PPP2R2B: variants seen among roughly 807,000 people sequenced by gnomAD.
PPP2R2B encodes protein phosphatase 2 regulatory subunit Bbeta.
In PPP2R2B, 5 loss-of-function variants were observed where a neutral mutation model predicts 46.0. The ratio of observed to expected loss-of-function variants is 0.11; its 90% CI spans 0.06 to 0.23. The LOEUF is 0.23. Ranked by LOEUF, PPP2R2B falls within the 10% of genes least tolerant of loss-of-function variation. The probability of loss-of-function intolerance (pLI) is 1.00; values close to 1 mark genes in which losing one functional copy is unlikely to be tolerated. For missense variants in PPP2R2B, 367 were observed against 575.0 expected (o/e 0.64, Z 3.70); for synonymous variants, 215 against 206.7 (o/e 1.04, Z -0.34).
At chr5:146,661,056 C>A (rs1399758105) in intron 5 of PPP2R2B, among the ~76,000 whole-genome samples, 2 of 152,308 alleles carry the variant, frequency 1.3e-5, no homozygotes, top group East Asian at 3.9e-4. Flanking sequence ...AATGACAATT[C>A]ATCCCACGAA....
intron 2 of PPP2R2B, among the ~76,000 whole-genome samples, chr5:146,783,156 A>C (rs1038107062): frequency 1.3e-5 from 2 of 152,242 alleles, no homozygotes; most frequent in African/African-American, 4.8e-5. Context: ...TAAACTACTG[A>C]AAATCACATG....
intron 1 of PPP2R2B, among the ~76,000 whole-genome samples, chr5:147,013,987 C>G: frequency 1.4e-5 from 2 of 139,992 alleles, no homozygotes; most frequent in African/African-American, 5.3e-5. Context: ...ACCTACTCAT[C>G]TGACAAAGGG....
intron 1 of PPP2R2B, among the ~76,000 whole-genome samples, chr5:146,947,398 C>T (rs1167445757): frequency 6.6e-6 from 1 of 152,128 alleles, no homozygotes; most frequent in Non-Finnish European, 1.5e-5. Flanking sequence ...CAGGGACCAG[C>T]ACGTGACTGA....
chr5:146,884,660 A>C (rs1023238902), intron 1 of PPP2R2B, among the ~76,000 whole-genome samples: 1 of 152,238 alleles, frequency 6.6e-6, no homozygotes, highest in Non-Finnish European at 1.5e-5. Context: ...TGAGAGCATG[A>C]GATAAAACAT....
At chr5:146,695,956 A>G (rs1207899723) in intron 4 of PPP2R2B, among the ~76,000 whole-genome samples, 4 of 152,228 alleles carry the variant, frequency 2.6e-5, no homozygotes, top group African/African-American at 9.6e-5. Flanking sequence ...CATATGAAAC[A>G]GTATCCCAAA....
intron 1 of PPP2R2B, among the ~76,000 whole-genome samples, chr5:146,957,547 A>T (rs1290473269): frequency 6.6e-6 from 1 of 152,196 alleles, no homozygotes; most frequent in Non-Finnish European, 1.5e-5. Context: ...AGTAGGCACC[A>T]GTTGATGGGA....
intron 2 of PPP2R2B, among the ~76,000 whole-genome samples, chr5:146,803,371 G>T (rs1756980962): frequency 6.6e-6 from 1 of 152,026 alleles, no homozygotes; most frequent in Non-Finnish European, 1.5e-5. Flanking sequence ...GTTAACTTTA[G>T]TACAATTTAG....
chr5:146,970,633 A>C (rs944280125), intron 1 of PPP2R2B, among the ~76,000 whole-genome samples: 1 of 152,148 alleles, frequency 6.6e-6, no homozygotes, highest in Non-Finnish European at 1.5e-5. Flanking sequence ...AGGGAAGACC[A>C]GAAGGTTAGA....
intron 1 of PPP2R2B, among the ~76,000 whole-genome samples, chr5:146,901,941 T>C (rs868293221): frequency 1.3e-5 from 2 of 152,106 alleles, no homozygotes; most frequent in South Asian, 2.1e-4. Flanking sequence ...AAAGATGAAA[T>C]TGAAAAGGTA....
intron 2 of PPP2R2B, among the ~76,000 whole-genome samples, chr5:146,869,258 C>T (rs1021762410): frequency 6.6e-6 from 1 of 152,028 alleles, no homozygotes; most frequent in African/African-American, 2.4e-5. Context: ...TGCCATTTTG[C>T]TAAGAAATGG....
intron 1 of PPP2R2B, among the ~76,000 whole-genome samples, chr5:146,924,984 A>T (rs186612145): frequency 6.6e-6 from 1 of 152,140 alleles, no homozygotes; most frequent in Non-Finnish European, 1.5e-5. Flanking sequence ...TTAATGTATC[A>T]TGATCTTCTT....
chr5:146,602,952 T>C (rs1303567032), intron 7 of PPP2R2B, among the ~76,000 whole-genome samples: 2 of 152,174 alleles, frequency 1.3e-5, no homozygotes, highest in Non-Finnish European at 2.9e-5. Flanking sequence ...TCATTAGTAT[T>C]GGAGGTTTGG....
intron 1 of PPP2R2B, among the ~76,000 whole-genome samples, chr5:146,937,321 G>A (rs1354576880): frequency 2.6e-5 from 4 of 151,760 alleles, no homozygotes; most frequent in Non-Finnish European, 5.9e-5. Context: ...AAAAAGGGGG[G>A]TTACTAGTAA....
intron 1 of PPP2R2B, among the ~76,000 whole-genome samples, chr5:146,909,468 A>G (rs954149784): frequency 6.6e-6 from 1 of 152,182 alleles, no homozygotes; most frequent in East Asian, 1.9e-4. Context: ...AAAGCTCTTC[A>G]TTTCAAAACC....
rs553503136 is a variant in PPP2R2B, at chr5:146,946,785, A to G, written c.79+108880T>C. Among the ~76,000 whole-genome samples the G allele has an allele frequency of 9.9e-5, 15 of 152,196 alleles. No individual in the cohort carries two copies. In the East Asian group the frequency reaches 2.1e-3, roughly 22 times the overall value. On this transcript the variant is annotated intron_variant, in intron 1 of 8. Coordinates refer to the PPP2R2B transcript ENST00000336640. The stretch of plus-strand genomic sequence containing the variant: ...ATTCATGCCAGAGGAGGCCGAAGCC[A>G]TTACAGAAGGATTGTTTCCATCTAA...
chr5:146,938,980 C>G (rs1032017883), intron 1 of PPP2R2B, among the ~76,000 whole-genome samples: 13 of 151,940 alleles, frequency 8.6e-5, no homozygotes, highest in Admixed American at 6.6e-4. Context: ...AGGGTTTCAC[C>G]ATGTTGCCCA....
rs968051153 is a variant in PPP2R2B at position 147,012,370 on chromosome 5, G to A, written c.79+43295C>T. On this transcript the variant is annotated intron_variant, in intron 1 of 8. Coordinates refer to the PPP2R2B transcript ENST00000336640. Reference sequence around the variant, plus strand: ...GATTTTCTAGTTTATTTGCATAGAGGTGTTTGTAGTATTCTCTGATGGTAG... The same window carrying A: ...GATTTTCTAGTTTATTTGCATAGAGATGTTTGTAGTATTCTCTGATGGTAG... Among the ~76,000 whole-genome samples the A allele has an allele frequency of 3.0e-4, 46 of 152,032 alleles. 1 individual carries two copies. Among genetic ancestry groups the A allele is most frequent in the African/African-American group, 1.0e-3 (43 of 41,520 alleles).
At position 146,878,720 on chromosome 5, in the gene PPP2R2B, C is replaced by G; in HGVS notation, c.-254G>C. Reference sequence around the variant, plus strand: ...ACTCACCCTCACACCCACACGCGCGCACTCGCAGCTGCTGCTGCTGCTGCT... The same window carrying G: ...ACTCACCCTCACACCCACACGCGCGGACTCGCAGCTGCTGCTGCTGCTGCT... On this transcript the variant is annotated 5_prime_UTR_variant, in exon 1 of 10. Coordinates refer to ENST00000394411, the MANE Select transcript of PPP2R2B (RefSeq NM_181675.4). This position sits in a 1 kb window ranked among gnomAD's most constrained non-coding sequence, Gnocchi z 4.5. 7.5e-7 allele frequency: 1 copy of G among 1,333,392 alleles called. No individual in the cohort carries two copies. Among genetic ancestry groups the G allele is most frequent in the Non-Finnish European group, 9.9e-7 (1 of 1,014,386 alleles). The allele number at this position is 1,333,392 out of a possible 1,614,324, so 82.6% of individuals were successfully genotyped here.
At chr5:146,692,688 C>T (rs1218966226) in intron 4 of PPP2R2B, among the ~76,000 whole-genome samples, 1 of 151,978 alleles carries the variant, frequency 6.6e-6, no homozygotes, top group Non-Finnish European at 1.5e-5. Context: ...CACCCACCAC[C>T]ACGCCCGGCT....
Sources: gnomAD v4.1 joint callset for allele counts (sites outside exome capture counted in the v4.1 genomes callset) on GRCh38, gnomAD v4.1.1 for gene constraint, Gnocchi (gnomAD v3.1) non-coding constraint, MANE v1.5 for transcripts, NCBI Gene and HGNC (gene_info 2026-07-23, HGNC 2026-07-21) for gene names.